Variants in EFHC2 observed in about 807,000 individuals in gnomAD.
The protein encoded by EFHC2 is EF-hand domain-containing family member C2.
EFHC2 carries 18 observed loss-of-function variants against 52.7 expected under a neutral mutation model. The observed-to-expected ratio is 0.34, with a 90% confidence interval of 0.24 to 0.51. EFHC2 has a LOEUF of 0.51. Ranked by LOEUF, EFHC2 falls within the 20% of genes least tolerant of loss-of-function variation. The probability of loss-of-function intolerance (pLI) is 0.97; values close to 1 mark genes in which losing one functional copy is unlikely to be tolerated. For synonymous variants in EFHC2, 203 were observed against 204.1 expected (o/e 0.99, Z 0.04); for missense variants, 513 against 562.5 (o/e 0.91, Z 0.89).
At chrX:44,326,463 T>C (rs193019753) in intron 1 of EFHC2, among the ~76,000 whole-genome samples, 9 of 110,970 alleles carry the variant, frequency 8.1e-5, no homozygotes, top group African/African-American at 2.9e-4. Flanking sequence ...ACACATTGTA[T>C]ACACATATGG....
At chrX:44,281,509 C>G (rs1313085741) in intron 2 of EFHC2, among the ~76,000 whole-genome samples, 2 of 111,699 alleles carry the variant, frequency 1.8e-5, no homozygotes, top group African/African-American at 6.5e-5. Context: ...TGTATAGCCT[C>G]CTTCCTGTAA....
At chrX:44,198,891 T>C (rs757182068) in intron 11 of EFHC2, among the ~76,000 whole-genome samples, 4 of 112,125 alleles carry the variant, frequency 3.6e-5, no homozygotes, top group African/African-American at 1.3e-4. Flanking sequence ...ATTCTACCCA[T>C]TGGACAAGAG....
intron 4 of EFHC2, among the ~76,000 whole-genome samples, chrX:44,253,282 C>T (rs1443487864): frequency 1.8e-5 from 2 of 108,326 alleles, no homozygotes; most frequent in Non-Finnish European, 3.8e-5. Flanking sequence ...ACCAGTGAGA[C>T]AGAACTGCTC....
chrX:44,225,155 C>A (rs1442880162), intron 11 of EFHC2, among the ~76,000 whole-genome samples: 1 of 109,587 alleles, frequency 9.1e-6, no homozygotes, highest in Non-Finnish European at 1.9e-5. Context: ...ATAGACCATG[C>A]CAAAAAGATT....
chrX:44,220,109 G>C (rs1447006940), intron 11 of EFHC2, among the ~76,000 whole-genome samples: 2 of 111,826 alleles, frequency 1.8e-5, no homozygotes, highest in Non-Finnish European at 3.8e-5. Flanking sequence ...TTCGTGTGTA[G>C]CCTGCTAGCA....
chrX:44,241,284 G>A (rs1358591157), intron 8 of EFHC2, among the ~76,000 whole-genome samples: 2 of 111,867 alleles, frequency 1.8e-5, no homozygotes, highest in Non-Finnish European at 3.8e-5. Flanking sequence ...GTAGCCGAGG[G>A]CAGTGTCTAC....
At chrX:44,160,518 C>T (rs1002993598) in intron 14 of EFHC2, among the ~76,000 whole-genome samples, 14 of 111,579 alleles carry the variant, frequency 1.3e-4, no homozygotes, top group African/African-American at 3.9e-4. Flanking sequence ...AAAAAGATGA[C>T]AGGATCTCAT....
At chrX:44,314,067 C>T (rs1253554467) in intron 1 of EFHC2, among the ~76,000 whole-genome samples, 5 of 111,772 alleles carry the variant, frequency 4.5e-5, no homozygotes, top group African/African-American at 1.6e-4. Context: ...GGAAAATACT[C>T]GAAAAATACG....
chrX:44,237,280 A>G (rs959330692), intron 8 of EFHC2, among the ~76,000 whole-genome samples: 8 of 111,486 alleles, frequency 7.2e-5, no homozygotes, highest in Non-Finnish European at 3.8e-5. Context: ...TTTGAGAAGC[A>G]CTGCAAATGT....
intron 11 of EFHC2, among the ~76,000 whole-genome samples, chrX:44,213,895 AG>A (rs1350703822): frequency 4.5e-5 from 5 of 112,045 alleles, no homozygotes; most frequent in Non-Finnish European, 9.4e-5. Context: ...CATCCAGATG[AG>A]GTGGGGGGCT....
intron 1 of EFHC2, among the ~76,000 whole-genome samples, chrX:44,342,745 G>A (rs367777766): frequency 3.7e-5 from 4 of 109,052 alleles, no homozygotes; most frequent in African/African-American, 1.3e-4. Context: ...GTGTGGTGGC[G>A]GGCGCCTGTA....
At chrX:44,330,126 G>T (rs1308266183) in intron 1 of EFHC2, among the ~76,000 whole-genome samples, 2 of 106,236 alleles carry the variant, frequency 1.9e-5, no homozygotes, top group Non-Finnish European at 3.9e-5. Context: ...GTACGGTGGT[G>T]CACACCTGTT....
At chrX:44,185,058 G>C (rs759650589) in intron 11 of EFHC2, among the ~76,000 whole-genome samples, 1 of 112,047 alleles carries the variant, frequency 8.9e-6, no homozygotes, top group Non-Finnish European at 1.9e-5. Flanking sequence ...ATAGTACCTT[G>C]AACTATGAAT....
Position 44,260,818 on chromosome X carries a change from G to A in EFHC2, c.606+257C>T, listed in dbSNP as rs778521309. On this transcript the variant is annotated intron_variant, in intron 4 of 14. Transcript: ENST00000420999. ...TGGGTGCCTAGAATCTGTCTCACCT[G>A]TGCAGTTCACTGAAGACTCCTACTG... Among the ~76,000 whole-genome samples, 13 of 112,213 alleles carry A rather than the reference G, an allele frequency of 1.2e-4. No individual in the cohort carries two copies. In the South Asian group the frequency reaches 2.6e-3, roughly 22 times the overall value.
intron 7 of EFHC2, 41 bp downstream of exon 7, chrX:44,248,231 T>C: frequency 9.3e-7 from 1 of 1,076,828 alleles, no homozygotes; most frequent in Non-Finnish European, 1.2e-6. Flanking sequence ...ACAAACAATT[T>C]AATTTTAAAA....
At chrX:44,226,901 A>G (rs902409646) in intron 11 of EFHC2, among the ~76,000 whole-genome samples, 10 of 107,239 alleles carry the variant, frequency 9.3e-5, no homozygotes, top group Middle Eastern at 9.3e-3. Context: ...AATAAAAAAA[A>G]GAAAAAGAAA....
chrX:44,307,813 A>G (rs1487689423), intron 2 of EFHC2, among the ~76,000 whole-genome samples: 1 of 110,845 alleles, frequency 9.0e-6, no homozygotes, highest in African/African-American at 3.3e-5. Context: ...ACATACCTGC[A>G]GTCCCAGCTA....
chrX:44,169,224 T>A (rs780074455), intron 13 of EFHC2, among the ~76,000 whole-genome samples: 60 of 111,527 alleles, frequency 5.4e-4, no homozygotes, highest in Non-Finnish European at 1.0e-3. Context: ...AAAAACAAAA[T>A]CTGGGAGAGA....
At chrX:44,193,416 C>T (rs1227496987) in intron 11 of EFHC2, among the ~76,000 whole-genome samples, 1 of 111,389 alleles carries the variant, frequency 9.0e-6, no homozygotes, top group Non-Finnish European at 1.9e-5. Flanking sequence ...ATGTCCCTAA[C>T]CCTGGCAAAA....
Sources: gnomAD v4.1 joint callset for allele counts (sites outside exome capture counted in the v4.1 genomes callset) on GRCh38, gnomAD v4.1.1 for gene constraint, MANE v1.5 for transcripts, NCBI Gene and HGNC (gene_info 2026-07-23, HGNC 2026-07-21) for gene names.